Variants in CNGA1 observed in about 807,000 individuals in gnomAD.
CNGA1 encodes cyclic nucleotide gated channel subunit alpha 1.
Under a neutral mutation model 69.7 loss-of-function variants are expected in CNGA1, and 53 were observed. The observed-to-expected ratio is 0.76, with a 90% CI of 0.61 to 0.96. The LOEUF is 0.96. Among genes scored for constraint, CNGA1 ranks in the 40% least tolerant of loss-of-function variants. The probability of loss-of-function intolerance (pLI) is 0.00; values close to 1 mark genes in which losing one functional copy is unlikely to be tolerated. For missense variants in CNGA1, 739 were observed against 811.2 expected (o/e 0.91, Z 1.08); for synonymous variants, 249 against 283.5 (o/e 0.88, Z 1.22).
chr4:47,980,724 C>T (rs111810954), intron 3 of CNGA1, among the ~76,000 whole-genome samples: 43 of 152,172 alleles, frequency 2.8e-4, no homozygotes, highest in African/African-American at 7.9e-4. Context: ...TCTACCTACT[C>T]CAGCCTCCCA....
At chr4:47,946,116 A>G (rs1381347150) in intron 6 of CNGA1, among the ~76,000 whole-genome samples, 4 of 152,218 alleles carry the variant, frequency 2.6e-5, no homozygotes, top group Non-Finnish European at 5.9e-5. Context: ...GCCAAAAGCA[A>G]CATTGCATCC....
chr4:47,953,193 C>T (rs1014813378), intron 3 of CNGA1, among the ~76,000 whole-genome samples: 5 of 152,220 alleles, frequency 3.3e-5, no homozygotes, highest in Non-Finnish European at 7.3e-5. Context: ...TGCAGTTTTA[C>T]ATAGGAATTA....
intron 2 of CNGA1, among the ~76,000 whole-genome samples, chr4:47,998,969 A>G (rs1000399125): frequency 2.6e-5 from 4 of 152,168 alleles, no homozygotes; most frequent in Non-Finnish European, 5.9e-5. Flanking sequence ...TAAACAATTC[A>G]TAAGTTTGAC....
intron 1 of CNGA1, among the ~76,000 whole-genome samples, 186 bp from the exon 2 acceptor site, chr4:48,011,079 T>A (rs1351513311): frequency 1.3e-5 from 2 of 152,292 alleles, no homozygotes; most frequent in African/African-American, 4.8e-5. Context: ...TGGCTATTTC[T>A]TTACCTCCTG....
intron 1 of CNGA1, among the ~76,000 whole-genome samples, chr4:48,013,942 C>T (rs1277762325): frequency 1.3e-5 from 2 of 152,186 alleles, no homozygotes; most frequent in Non-Finnish European, 2.9e-5. Context: ...ACACCAGGAA[C>T]CCTCCCAGAC....
chr4:47,955,914 A>G (rs373289230), intron 3 of CNGA1, among the ~76,000 whole-genome samples: 19 of 152,348 alleles, frequency 1.2e-4, no homozygotes, highest in African/African-American at 3.8e-4. Flanking sequence ...TTAAAAAGCT[A>G]TACTCATGAG....
Position 47,936,435 on chromosome 4 carries a change from T to C in CNGA1, c.2047A>G (p.Ile683Val). The change falls in exon 11 of 11, where the codon ATC becomes GTC. Residue 683 changes from isoleucine to valine, a missense_variant. Coordinates refer to ENST00000514170, the MANE Select transcript of CNGA1 (RefSeq NM_001379270.1). ...IEGPGAESGPIDST is the reference protein window; with the variant it reads ...IEGPGAESGPVDST ...GCTTTTCGGTTCTATGTAGAGTCGA[T>C]GGGCCCACTTTCCGCTCCAGGTCCC... 1 of 1,614,192 alleles carries C rather than the reference T, an allele frequency of 6.2e-7. No individual in the cohort carries two copies. The highest frequency in any genetic ancestry group is 8.5e-7 in the Non-Finnish European group (1 of 1,180,012).
Position 47,938,849 on chromosome 4 carries a change from G to T in CNGA1, c.653-1020C>A, listed in dbSNP as rs540335907. 2.4e-4 allele frequency among the ~76,000 whole-genome samples: 37 copies of T among 151,936 alleles called. No individual in the cohort carries two copies. In the East Asian group the frequency reaches 7.2e-3, roughly 30 times the overall value. On this transcript the variant is annotated intron_variant, in intron 10 of 10. Coordinates refer to ENST00000514170, the MANE Select transcript of CNGA1 (RefSeq NM_001379270.1). ...CCCAGCACTTTGGAAGGCTGAGGCA[G>T]GAGGATCCCTTGAGTGCAGGAGTTT...
chr4:47,987,004 G>A (rs1485569710), intron 2 of CNGA1, among the ~76,000 whole-genome samples: 2 of 152,024 alleles, frequency 1.3e-5, no homozygotes, highest in African/African-American at 4.8e-5. Context: ...GTTGTGTTGA[G>A]TTGTGTTGTG....
Position 47,944,438 on chromosome 4 carries a change from G to T in CNGA1, c.288-1026C>A, listed in dbSNP as rs189107510. 4.7e-4 allele frequency among the ~76,000 whole-genome samples: 72 copies of T among 152,314 alleles called. 1 individual carries two copies. The highest frequency in any genetic ancestry group is 1.6e-3 in the Admixed American group (25 of 15,296). On this transcript the variant is annotated intron_variant, in intron 6 of 10. Coordinates refer to ENST00000514170, the MANE Select transcript of CNGA1 (RefSeq NM_001379270.1). ...GCTATGGGAGTACACTTCTATTCAA[G>T]ATTTGACAGCCTAGCATGGATCCTG...
rs114846316 is a variant in CNGA1, at chr4:47,981,837, G to C, written c.-122-337C>G. Among the ~76,000 whole-genome samples the C allele has an allele frequency of 9.0e-3, 1,375 of 152,002 alleles. 17 individuals carry two copies. Among genetic ancestry groups the C allele is most frequent in the African/African-American group, 0.03 (1,261 of 41,454 alleles). On this transcript the variant is annotated intron_variant, in intron 2 of 10. Transcript: ENST00000514170. ...AAATTATACCTCCAACTTCACCCAG[G>C]GTTATCATCTTGAAAATAGCGTCTA...
chr4:47,993,506 T>C (rs1000486423), intron 2 of CNGA1, among the ~76,000 whole-genome samples: 1 of 152,156 alleles, frequency 6.6e-6, no homozygotes, highest in African/African-American at 2.4e-5. Context: ...AATAATCTTT[T>C]GTATTTCTGT....
chr4:47,941,864 G>A (rs1408303160), intron 9 of CNGA1, among the ~76,000 whole-genome samples, 177 bp downstream of exon 9: 6 of 152,076 alleles, frequency 3.9e-5, no homozygotes, highest in Admixed American at 3.3e-4. Flanking sequence ...GAGAACTGAA[G>A]CACTTCCTCC....
At chr4:47,984,232 C>G (rs1741873720) in intron 2 of CNGA1, among the ~76,000 whole-genome samples, 1 of 152,184 alleles carries the variant, frequency 6.6e-6, no homozygotes, top group South Asian at 2.1e-4. Context: ...ATTTCCTCAT[C>G]TTTACATTGA....
In CNGA1 at chr4:48,013,160, A is replaced by G. The variant is rs563488023; in HGVS notation, c.-222-2267T>C. On this transcript the variant is annotated intron_variant, in intron 1 of 10. Transcript: ENST00000514170. ...CTCTCAGACCTCAGCAAATTGTCCTATTGGTTTGAGCTGTAAAATTAGCTC... is the reference window on the plus strand; with the variant it reads ...CTCTCAGACCTCAGCAAATTGTCCTGTTGGTTTGAGCTGTAAAATTAGCTC... Among the ~76,000 whole-genome samples the G allele has an allele frequency of 9.2e-5, 14 of 152,296 alleles. No homozygotes were observed. The East Asian group carries it at 2.5e-3, about 27-fold the overall frequency.
At chr4:47,996,328 AC>A (rs770619004) in intron 2 of CNGA1, among the ~76,000 whole-genome samples, 10 of 152,138 alleles carry the variant, frequency 6.6e-5, no homozygotes, top group Non-Finnish European at 1.2e-4. Flanking sequence ...AATTTAGTGG[AC>A]TTGAGATTTG....
intron 3 of CNGA1, among the ~76,000 whole-genome samples, chr4:47,954,281 T>C (rs970032086): frequency 2.6e-5 from 4 of 152,162 alleles, no homozygotes; most frequent in Non-Finnish European, 4.4e-5. Flanking sequence ...TTCAACAAAG[T>C]CTCAGCATTC....
intron 3 of CNGA1, among the ~76,000 whole-genome samples, chr4:47,967,327 A>C (rs774008757): frequency 6.6e-6 from 1 of 152,058 alleles, no homozygotes; most frequent in Non-Finnish European, 1.5e-5. Context: ...CAAAACAAAA[A>C]AAAAGAAACT....
Position 48,011,811 on chromosome 4 carries a change from G to GC in CNGA1, c.-222-919dup, listed in dbSNP as rs927520258. Among the ~76,000 whole-genome samples the GC allele has an allele frequency of 7.4e-4, 112 of 152,306 alleles. No individual in the cohort carries two copies. In the Middle Eastern group the frequency reaches 0.014, roughly 19 times the overall value. The stretch of plus-strand genomic sequence containing the variant: ...TTCTGGTTGACAATTGGTTGAGTTT[G>GC]CCTAAAGACACGGGATTCATAGAAA... On this transcript the variant is annotated intron_variant, in intron 1 of 10. Transcript: ENST00000514170.
Sources: gnomAD v4.1 joint callset for allele counts (sites outside exome capture counted in the v4.1 genomes callset) on GRCh38, gnomAD v4.1.1 for gene constraint, MANE v1.5 for transcripts, NCBI Gene and HGNC (gene_info 2026-07-23, HGNC 2026-07-21) for gene names.